Variants in ZMAT4 observed in about 807,000 individuals in gnomAD.
ZMAT4 encodes the protein zinc finger matrin-type protein 4.
Under a neutral mutation model 28.7 loss-of-function variants are expected in ZMAT4, and 17 were observed. The ratio of observed to expected loss-of-function variants is 0.59; its 90% CI spans 0.41 to 0.89. The LOEUF (loss-of-function observed/expected upper bound fraction) is 0.89, where lower values mean the gene tolerates loss of function less well. Among genes scored for constraint, ZMAT4 ranks in the 40% least tolerant of loss-of-function variants. The pLI, the probability that ZMAT4 is intolerant of heterozygous loss-of-function variation, is 0.00. For missense variants in ZMAT4, 240 were observed against 283.8 expected, an observed-to-expected ratio of 0.85 and a Z score of 1.11; for synonymous variants, 117 against 109.2, an observed-to-expected ratio of 1.07 and a Z score of -0.44.
At chr8:40,739,236 A>C (rs1199487101) in intron 3 of ZMAT4, among the ~76,000 whole-genome samples, 1 of 152,210 alleles carries the variant, frequency 6.6e-6, no homozygotes, top group Non-Finnish European at 1.5e-5. Flanking sequence ...AGAATACCCA[A>C]AAGGAGTCAC....
At chr8:40,727,501 T>G (rs1490415029) in intron 3 of ZMAT4, among the ~76,000 whole-genome samples, 1 of 152,168 alleles carries the variant, frequency 6.6e-6, no homozygotes. Context: ...ATTTCTCCCG[T>G]GAAGCTTATA....
chr8:40,676,727 G>A (rs1484270407), intron 4 of ZMAT4, among the ~76,000 whole-genome samples: 2 of 152,042 alleles, frequency 1.3e-5, no homozygotes, highest in Non-Finnish European at 2.9e-5. Flanking sequence ...GTTTTAGCTA[G>A]TTTAGATTAA....
At chr8:40,634,651 G>A (rs1056937508) in intron 5 of ZMAT4, among the ~76,000 whole-genome samples, 11 of 152,308 alleles carry the variant, frequency 7.2e-5, no homozygotes, top group African/African-American at 2.4e-4. Flanking sequence ...GGGAATGCGC[G>A]CTGTTTGCTG....
chr8:40,618,962 C>A (rs1283270255), intron 5 of ZMAT4, among the ~76,000 whole-genome samples: 1 of 152,138 alleles, frequency 6.6e-6, no homozygotes, highest in Admixed American at 6.5e-5. Flanking sequence ...GGTTTGCAGT[C>A]CATGAATAAA....
At chr8:40,831,707 A>G (rs1816285791) in intron 1 of ZMAT4, among the ~76,000 whole-genome samples, 1 of 152,170 alleles carries the variant, frequency 6.6e-6, no homozygotes, top group Non-Finnish European at 1.5e-5. Flanking sequence ...GGACACTTCA[A>G]CTGAAGAGCA....
At chr8:40,769,804 T>G (rs1813316122) in intron 2 of ZMAT4, among the ~76,000 whole-genome samples, 1 of 151,954 alleles carries the variant, frequency 6.6e-6, no homozygotes, top group Admixed American at 6.6e-5. Context: ...TTTTTCCTCT[T>G]AATCTAAAGT....
intron 5 of ZMAT4, among the ~76,000 whole-genome samples, chr8:40,603,284 T>C (rs1008997222): frequency 1.3e-5 from 2 of 152,226 alleles, no homozygotes; most frequent in African/African-American, 4.8e-5. Flanking sequence ...TTGGTCTATG[T>C]GCCTATTTTT....
chr8:40,894,987 A>T (rs1818821122), intron 1 of ZMAT4, among the ~76,000 whole-genome samples: 1 of 152,242 alleles, frequency 6.6e-6, no homozygotes, highest in South Asian at 2.1e-4. Context: ...AGATCAAAGT[A>T]GGTTGGCAAA....
At chr8:40,765,244 T>C (rs1355041384) in intron 3 of ZMAT4, among the ~76,000 whole-genome samples, 3 of 151,600 alleles carry the variant, frequency 2.0e-5, no homozygotes, top group Non-Finnish European at 4.4e-5. Flanking sequence ...AGTCTCTCAA[T>C]TCTTAGGTAT....
At chr8:40,646,358 G>C (rs1175445869) in intron 5 of ZMAT4, among the ~76,000 whole-genome samples, 1 of 150,616 alleles carries the variant, frequency 6.6e-6, no homozygotes, top group Non-Finnish European at 1.5e-5. Flanking sequence ...TTTCATGGTG[G>C]TTTCTCTAAG....
At chr8:40,562,190 C>T (rs1307021804) in intron 6 of ZMAT4, among the ~76,000 whole-genome samples, 5 of 152,200 alleles carry the variant, frequency 3.3e-5, no homozygotes, top group Non-Finnish European at 5.9e-5. Context: ...CATTCCTGCT[C>T]AGGCAAAACA....
chr8:40,793,163 A>G (rs1412543443), intron 2 of ZMAT4, among the ~76,000 whole-genome samples: 1 of 152,218 alleles, frequency 6.6e-6, no homozygotes, highest in Non-Finnish European at 1.5e-5. Flanking sequence ...AATGCAAGAT[A>G]TTAATAACAG....
intron 6 of ZMAT4, among the ~76,000 whole-genome samples, chr8:40,555,271 T>C (rs1245983152): frequency 6.6e-6 from 1 of 152,194 alleles, no homozygotes; most frequent in African/African-American, 2.4e-5. Context: ...ACTGCCACAA[T>C]AAACATGTGA....
intron 5 of ZMAT4, among the ~76,000 whole-genome samples, chr8:40,647,586 G>T (rs10099113): frequency 6.6e-6 from 1 of 151,906 alleles, no homozygotes; most frequent in Non-Finnish European, 1.5e-5. Context: ...AGCTCAAGGA[G>T]GCCTGCCTGT....
chr8:40,860,728 T>G (rs2150644168), intron 1 of ZMAT4, among the ~76,000 whole-genome samples: 1 of 152,348 alleles, frequency 6.6e-6, no homozygotes, highest in Non-Finnish European at 1.5e-5. Flanking sequence ...CCACAGATGT[T>G]CATGAGCGAC....
At chr8:40,621,931 A>G (rs1042968542) in intron 5 of ZMAT4, among the ~76,000 whole-genome samples, 15 of 152,214 alleles carry the variant, frequency 9.9e-5, no homozygotes, top group African/African-American at 3.6e-4. Flanking sequence ...AACAGCAGTT[A>G]TGGGGTGATG....
chr8:40,880,078 AGAAAT>A (rs1818168418), intron 1 of ZMAT4, among the ~76,000 whole-genome samples: 1 of 152,198 alleles, frequency 6.6e-6, no homozygotes, highest in Non-Finnish European at 1.5e-5. Flanking sequence ...CAAAAGGTGC[AGAAAT>A]CCGGCCAGGC....
At chr8:40,840,223 A>G (rs981904091) in intron 1 of ZMAT4, among the ~76,000 whole-genome samples, 1 of 152,170 alleles carries the variant, frequency 6.6e-6, no homozygotes, top group Non-Finnish European at 1.5e-5. Flanking sequence ...CATGCCCCCA[A>G]AATCACACTC....
At chr8:40,560,647 A>G (rs1056850765) in intron 6 of ZMAT4, among the ~76,000 whole-genome samples, 1 of 152,134 alleles carries the variant, frequency 6.6e-6, no homozygotes, top group East Asian at 1.9e-4. Context: ...GATTTGCCTG[A>G]TAATATGAAT....
Sources: gnomAD v4.1 joint callset for allele counts (sites outside exome capture counted in the v4.1 genomes callset) on GRCh38, gnomAD v4.1.1 for gene constraint, MANE v1.5 for transcripts, NCBI Gene and HGNC (gene_info 2026-07-23, HGNC 2026-07-21) for gene names.